Variants in DLG2 observed in about 807,000 individuals in gnomAD.
DLG2 encodes the protein disks large homolog 2.
DLG2 carries 45 observed loss-of-function variants against 132.5 expected under a neutral mutation model. The observed-to-expected ratio is 0.34, with a 90% CI of 0.27 to 0.44. The LOEUF is 0.44. DLG2 is among the 20% of genes least tolerant of loss of function. The pLI, the probability that DLG2 is intolerant of heterozygous loss-of-function variation, is 1.00. For missense variants in DLG2, 1,045 were observed against 1,196.9 expected, an observed-to-expected ratio of 0.87 and a Z score of 1.87; for synonymous variants, 424 against 419.6, an observed-to-expected ratio of 1.01 and a Z score of -0.13.
At chr11:85,347,548 T>C (rs2082934243) in intron 3 of DLG2, among the ~76,000 whole-genome samples, 2 of 152,092 alleles carry the variant, frequency 1.3e-5, no homozygotes, top group African/African-American at 2.4e-5. Flanking sequence ...ACTGTCACAT[T>C]TCCCCTCTCC....
At chr11:85,352,227 T>C (rs1251277771) in intron 3 of DLG2, among the ~76,000 whole-genome samples, 3 of 152,202 alleles carry the variant, frequency 2.0e-5, no homozygotes, top group Non-Finnish European at 1.5e-5. Context: ...CTGATGGTAG[T>C]TTATATTTCT....
Position 85,154,658 on chromosome 11 carries a change from T to TA in DLG2, c.187-8dup. ...ATCCACTGCAATCTGTAAGCTAAAA[T>TA]AAAAGTTTAAAAAATCAATACTCCT... is the stretch of plus-strand genomic sequence containing the variant. On this transcript the variant is annotated splice_polypyrimidine_tract_variant and splice_region_variant and intron_variant, in intron 4 of 27. Transcript: ENST00000376104. 1 of 1,380,602 alleles carries TA rather than the reference T, an allele frequency of 7.2e-7. No homozygotes were observed. Among genetic ancestry groups the TA allele is most frequent in the Non-Finnish European group, 1.0e-6 (1 of 1,003,562 alleles). The allele number at this position is 1,380,602 out of a possible 1,614,324, so 85.5% of individuals were successfully genotyped here.
intron 6 of DLG2, among the ~76,000 whole-genome samples, chr11:84,929,025 T>TATATATATATATATATATA (rs2047786455): frequency 2.3e-5 from 3 of 128,436 alleles, no homozygotes; most frequent in East Asian, 2.4e-4. Context: ...TATATATATA[T>TATATATATATATATATATA]TACTGTGAAT....
At chr11:84,624,136 G>A (rs1219305278) in intron 6 of DLG2, among the ~76,000 whole-genome samples, 1 of 152,074 alleles carries the variant, frequency 6.6e-6, no homozygotes, top group Non-Finnish European at 1.5e-5. Context: ...GGAAGAAATC[G>A]GGAGGTGACA....
intron 6 of DLG2, among the ~76,000 whole-genome samples, chr11:85,094,899 C>T (rs1490092394): frequency 6.6e-6 from 1 of 152,154 alleles, no homozygotes; most frequent in Non-Finnish European, 1.5e-5. Flanking sequence ...TAAGTTTAAT[C>T]ATTTCTAGCT....
rs182300525 is a variant in DLG2 at position 83,884,078 on chromosome 11, C to T, written c.1497-9590G>A. On this transcript the variant is annotated intron_variant, in intron 15 of 27. Transcript: ENST00000376104. ...ACCGGGTTCATCTCACTAGGGAGTGCCAGACAGTGGGTACAGGACAGTGGG... is the reference window on the plus strand; with the variant it reads ...ACCGGGTTCATCTCACTAGGGAGTGTCAGACAGTGGGTACAGGACAGTGGG... Among the ~76,000 whole-genome samples, 859 of 152,272 alleles carry T rather than the reference C, an allele frequency of 5.6e-3. 7 individuals are homozygous for T. The highest frequency in any genetic ancestry group is 0.02 in the African/African-American group (814 of 41,548).
chr11:83,678,586 G>T (rs2078178408), intron 18 of DLG2, among the ~76,000 whole-genome samples: 1 of 152,132 alleles, frequency 6.6e-6, no homozygotes, highest in Admixed American at 6.6e-5. Flanking sequence ...GGGGCAACGG[G>T]TTGGGGAGGC....
chr11:83,507,508 CTA>C (rs1262065684), intron 21 of DLG2, among the ~76,000 whole-genome samples: 2 of 144,176 alleles, frequency 1.4e-5, no homozygotes, highest in African/African-American at 5.1e-5. Flanking sequence ...TATATATCCT[CTA>C]TATATATATC....
intron 7 of DLG2, among the ~76,000 whole-genome samples, chr11:84,484,765 T>C (rs896522949): frequency 1.6e-4 from 25 of 152,156 alleles, no homozygotes; most frequent in African/African-American, 6.0e-4. Flanking sequence ...AACTCTCCCA[T>C]TTGAATAATC....
At chr11:83,946,966 T>C (rs1402522949) in intron 14 of DLG2, among the ~76,000 whole-genome samples, 1 of 152,228 alleles carries the variant, frequency 6.6e-6, no homozygotes, top group Non-Finnish European at 1.5e-5. Flanking sequence ...CTACTCTCAA[T>C]ATTATATGGA....
intron 4 of DLG2, among the ~76,000 whole-genome samples, chr11:85,205,163 TAG>T (rs964913748): frequency 5.5e-5 from 8 of 144,750 alleles, no homozygotes; most frequent in African/African-American, 1.6e-4. Context: ...TATATATATA[TAG>T]ATATATATAT....
chr11:84,838,371 T>A (rs1356420138), intron 6 of DLG2, among the ~76,000 whole-genome samples: 1 of 149,220 alleles, frequency 6.7e-6, no homozygotes, highest in Non-Finnish European at 1.5e-5. Flanking sequence ...TTTATGTGTT[T>A]TAGCCGAAGC....
intron 6 of DLG2, among the ~76,000 whole-genome samples, chr11:84,751,552 A>G (rs1202617976): frequency 6.6e-6 from 1 of 152,128 alleles, no homozygotes; most frequent in East Asian, 1.9e-4. Flanking sequence ...GCATTCACAT[A>G]CAGCCACAAT....
intron 3 of DLG2, among the ~76,000 whole-genome samples, chr11:85,501,704 C>A (rs903395020): frequency 6.6e-6 from 1 of 152,158 alleles, no homozygotes; most frequent in Admixed American, 6.5e-5. Context: ...AAATGCAAAT[C>A]AAAACCACAA....
intron 7 of DLG2, among the ~76,000 whole-genome samples, chr11:84,313,641 A>AAAAGAAAGAAAG (rs201928030): frequency 0.13 from 17,248 of 129,084 alleles, 1,389 homozygotes; most frequent in Non-Finnish European, 0.15. Flanking sequence ...GAAAGAGAGA[A>AAAAGAAAGAAAG]AAAGAAAGAA....
At chr11:84,099,126 G>A (rs1728266963) in intron 9 of DLG2, 79 bp from the exon 10 acceptor site, 2 of 1,293,386 alleles carry the variant, frequency 1.5e-6, no homozygotes, top group Non-Finnish European at 1.1e-6. Flanking sequence ...GCATTATCAT[G>A]TTACTACTCA....
intron 3 of DLG2, among the ~76,000 whole-genome samples, chr11:85,543,581 G>A (rs189703698): frequency 6.6e-6 from 1 of 152,078 alleles, no homozygotes; most frequent in Non-Finnish European, 1.5e-5. Context: ...CACAATGGTT[G>A]AACTAATTTA....
intron 4 of DLG2, among the ~76,000 whole-genome samples, chr11:85,200,951 G>A (rs948456665): frequency 6.6e-6 from 1 of 152,080 alleles, no homozygotes; most frequent in Non-Finnish European, 1.5e-5. Context: ...AGCTCCTTCT[G>A]CTGCAGTTGG....
intron 6 of DLG2, among the ~76,000 whole-genome samples, chr11:84,802,495 A>C (rs1277415884): frequency 6.6e-6 from 1 of 152,148 alleles, no homozygotes; most frequent in Non-Finnish European, 1.5e-5. Flanking sequence ...GTTGACTGAC[A>C]GGAGCTACGG....
Sources: allele counts gnomAD v4.1 joint callset (sites outside exome capture counted in the v4.1 genomes callset), GRCh38; gene constraint gnomAD v4.1.1; transcripts MANE v1.5; gene names NCBI Gene and HGNC (gene_info 2026-07-23, HGNC 2026-07-21).